The following TEX36 variants were observed in gnomAD, a reference collection of about 807,000 sequenced individuals.
TEX36 encodes the protein testis expressed 36.
A neutral mutation model predicts 13.6 loss-of-function variants in TEX36; 12 were observed. The ratio of observed to expected loss-of-function variants is 0.88; its 90% CI spans 0.56 to 1.43. The LOEUF (loss-of-function observed/expected upper bound fraction) is 1.43, where lower values mean the gene tolerates loss of function less well. Among genes scored for constraint, TEX36 ranks in the 40% most tolerant of loss-of-function variants. The pLI, the probability that TEX36 is intolerant of heterozygous loss-of-function variation, is 0.00. For missense variants in TEX36, 224 were observed against 228.3 expected (o/e 0.98, Z 0.12); for synonymous variants, 93 against 83.0 (o/e 1.12, Z -0.65).
chr10:125,586,635 C>CAAAAAAAAAAAAAA (rs35078105), intron 3 of TEX36, among the ~76,000 whole-genome samples: 3 of 113,838 alleles, frequency 2.6e-5, no homozygotes, highest in Admixed American at 9.9e-5. Context: ...ACTAAAAATC[C>CAAAAAAAAAAAAAA]AAAAAAAAAA....
intron 3 of TEX36, among the ~76,000 whole-genome samples, chr10:125,646,149 G>A (rs574848693): frequency 3.9e-4 from 59 of 152,188 alleles, no homozygotes; most frequent in African/African-American, 1.4e-3. Flanking sequence ...GCAACATGGT[G>A]AAACCCTGTC....
chr10:125,664,600 A>AAAAGTGTG (rs1221859845), intron 1 of TEX36, among the ~76,000 whole-genome samples: 1 of 152,122 alleles, frequency 6.6e-6, no homozygotes, highest in Non-Finnish European at 1.5e-5. Flanking sequence ...CTGATGGTTT[A>AAAAGTGTG]AAAGTGTGGC....
chr10:125,641,150 T>C (rs990008433), intron 3 of TEX36, among the ~76,000 whole-genome samples: 1 of 152,224 alleles, frequency 6.6e-6, no homozygotes, highest in South Asian at 2.1e-4. Flanking sequence ...CTAGAAAGGC[T>C]GTAGAATTAG....
At chr10:125,666,978 C>A in intron 1 of TEX36, 1 of 1,198,694 alleles carries the variant, frequency 8.3e-7, no homozygotes, top group Non-Finnish European at 1.2e-6. Context: ...GGCCACGGCT[C>A]ACTTGACTCC....
intron 3 of TEX36, among the ~76,000 whole-genome samples, chr10:125,647,603 T>C (rs774176422): frequency 1.1e-4 from 17 of 152,150 alleles, no homozygotes; most frequent in Non-Finnish European, 2.4e-4. Flanking sequence ...CCAATGTGAG[T>C]GACACAGAAG....
intron 3 of TEX36, among the ~76,000 whole-genome samples, chr10:125,604,276 G>A (rs143342252): frequency 1.0e-3 from 153 of 152,218 alleles, no homozygotes; most frequent in African/African-American, 3.5e-3. Context: ...TTGCATTACC[G>A]CCTGAGCTCC....
chr10:125,641,538 GA>G (rs1846692155), intron 3 of TEX36, among the ~76,000 whole-genome samples: 1 of 152,200 alleles, frequency 6.6e-6, no homozygotes. Context: ...GCCTCGCTAT[GA>G]AACGTTATTG....
chr10:125,661,925 G>T lies in TEX36; in HGVS notation c.104C>A (p.Thr35Lys), dbSNP rs151185267. 3.9e-5 allele frequency: 61 copies of T among 1,552,324 alleles called. No homozygotes were observed. In the African/African-American group the frequency reaches 8.1e-4, roughly 21 times the overall value. Reference sequence around the variant, plus strand: ...GTGTGGACTCTGGGGCTCTTTTGACGTAGCACTGGTGATGGATTCTGGTGT... The same window carrying T: ...GTGTGGACTCTGGGGCTCTTTTGACTTAGCACTGGTGATGGATTCTGGTGT... ...QKTPESITSA[T>K]SKEPQSPHLP... The change falls in exon 2 of 4, where the codon ACG (threonine) becomes AAG (lysine). Residue 35 changes from threonine to lysine, a missense_variant. Coordinates refer to ENST00000368821, the MANE Select transcript of TEX36 (RefSeq NM_001128202.3).
At chr10:125,652,567 T>C (rs965391974), downstream of TEX36, among the ~76,000 whole-genome samples, 2 of 152,208 alleles carry the variant, frequency 1.3e-5, no homozygotes, top group Non-Finnish European at 2.9e-5. Flanking sequence ...CTTCAGGCCA[T>C]AGGCATGGGC....
intron 2 of TEX36, among the ~76,000 whole-genome samples, chr10:125,661,442 T>C (rs1847041119): frequency 6.6e-6 from 1 of 152,210 alleles, no homozygotes; most frequent in African/African-American, 2.4e-5. Context: ...CTCTGTCATC[T>C]GGCCAGTAAG....
intron 3 of TEX36, among the ~76,000 whole-genome samples, chr10:125,610,948 G>A (rs574966458): frequency 6.6e-6 from 1 of 152,184 alleles, no homozygotes; most frequent in South Asian, 2.1e-4. Flanking sequence ...AGTGTCACTC[G>A]AGTCATAGGT....
intron 1 of TEX36, among the ~76,000 whole-genome samples, chr10:125,678,305 T>C (rs1484347738): frequency 6.6e-6 from 1 of 152,236 alleles, no homozygotes; most frequent in African/African-American, 2.4e-5. Context: ...TAGTGGTACC[T>C]GTGATTTCCT....
chr10:125,597,071 G>A lies in TEX36; in HGVS notation c.265-20197C>T, dbSNP rs150818654. ...CAAAAAGAGTGACCCAAACCTGGCT[G>A]AGCCCTGCAGGTGACCACATGCAAT... On this transcript the variant is annotated intron_variant, in intron 3 of 3. Coordinates refer to the TEX36 transcript ENST00000532135. Among the ~76,000 whole-genome samples, 207 of 152,326 alleles carry A rather than the reference G, an allele frequency of 1.4e-3. 2 individuals are homozygous for A. Among genetic ancestry groups the A allele is most frequent in the African/African-American group, 4.6e-3 (190 of 41,572 alleles).
At chr10:125,649,942 G>A (rs1846828041) in intron 3 of TEX36, among the ~76,000 whole-genome samples, 2 of 152,186 alleles carry the variant, frequency 1.3e-5, no homozygotes, top group South Asian at 4.1e-4. Context: ...ATCAAGAAGA[G>A]CTAACTATCC....
intron 3 of TEX36, among the ~76,000 whole-genome samples, chr10:125,598,113 G>A (rs117882978): frequency 0.016 from 2,365 of 152,186 alleles, 29 homozygotes; most frequent in Non-Finnish European, 0.023. Context: ...AGGGTCTGTG[G>A]GCCACCTGCA....
downstream of TEX36, among the ~76,000 whole-genome samples, chr10:125,651,598 G>A (rs1286744424): frequency 3.3e-5 from 5 of 152,166 alleles, no homozygotes; most frequent in Non-Finnish European, 5.9e-5. Context: ...AGACAGGGAT[G>A]CCCTCTCTCA....
intron 1 of TEX36, among the ~76,000 whole-genome samples, chr10:125,681,595 T>A (rs931683075): frequency 6.6e-6 from 1 of 152,250 alleles, no homozygotes; most frequent in Non-Finnish European, 1.5e-5. Flanking sequence ...GTTCTCAGAC[T>A]CAGCCTCTTC....
chr10:125,580,951 C>G (rs2087516888), intron 3 of TEX36, among the ~76,000 whole-genome samples: 1 of 152,180 alleles, frequency 6.6e-6, no homozygotes, highest in Non-Finnish European at 1.5e-5. Context: ...ATGGAGCAAC[C>G]TGAAGAAAGC....
chr10:125,678,560 G>T (rs1169024577), intron 1 of TEX36, among the ~76,000 whole-genome samples: 1 of 152,172 alleles, frequency 6.6e-6, no homozygotes, highest in East Asian at 1.9e-4. Flanking sequence ...AGGTGGGTGG[G>T]TTCTCAGGCC....
Sources: allele counts gnomAD v4.1 joint callset (sites outside exome capture counted in the v4.1 genomes callset), GRCh38; gene constraint gnomAD v4.1.1; transcripts MANE v1.5; gene names NCBI Gene and HGNC (gene_info 2026-07-23, HGNC 2026-07-21).